The following NALF1 variants were observed in gnomAD, a reference collection of about 807,000 sequenced individuals.
NALF1 encodes family with sequence similarity 155 member A.
Under a neutral mutation model 48.4 loss-of-function variants are expected in NALF1, and 3 were observed. The ratio of observed to expected loss-of-function variants is 0.06; its 90% CI spans 0.03 to 0.16. NALF1 has a LOEUF of 0.16. NALF1 is among the 10% of genes least tolerant of loss of function. The probability of loss-of-function intolerance (pLI) is 1.00; values close to 1 mark genes in which losing one functional copy is unlikely to be tolerated. For synonymous variants in NALF1, 262 were observed against 245.7 expected (o/e 1.07, Z -0.62); for missense variants, 526 against 571.5 (o/e 0.92, Z 0.81).
At chr13:107,380,803 C>T (rs536614314) in intron 1 of NALF1, among the ~76,000 whole-genome samples, 4 of 151,238 alleles carry the variant, frequency 2.6e-5, no homozygotes, top group African/African-American at 9.7e-5. Context: ...ACGGTGAGAC[C>T]CCGTCTCTAC....
intron 1 of NALF1, among the ~76,000 whole-genome samples, chr13:107,826,314 T>G (rs1359302774): frequency 1.3e-5 from 2 of 152,096 alleles, no homozygotes; most frequent in African/African-American, 4.8e-5. Context: ...CGTGTGTGTG[T>G]GTGTGTGTGT....
chr13:107,255,354 C>G (rs1880792029), intron 1 of NALF1, among the ~76,000 whole-genome samples: 1 of 152,130 alleles, frequency 6.6e-6, no homozygotes, highest in African/African-American at 2.4e-5. Flanking sequence ...TTAGTATCTT[C>G]TAATACTGAA....
At chr13:107,792,614 A>G (rs1878283543) in intron 1 of NALF1, among the ~76,000 whole-genome samples, 2 of 152,124 alleles carry the variant, frequency 1.3e-5, no homozygotes, top group African/African-American at 2.4e-5. Context: ...CACCATGACA[A>G]TCTTTCTAGA....
At chr13:107,176,389 T>A (rs1878932024) in intron 2 of NALF1, among the ~76,000 whole-genome samples, 1 of 145,176 alleles carries the variant, frequency 6.9e-6, no homozygotes, top group South Asian at 2.3e-4. Flanking sequence ...ATGCCTGTAA[T>A]CCCAGCACTT....
chr13:107,526,508 C>T (rs1876448409), intron 1 of NALF1, among the ~76,000 whole-genome samples: 1 of 151,700 alleles, frequency 6.6e-6, no homozygotes, highest in African/African-American at 2.4e-5. Context: ...CATTATTTTC[C>T]AAGGCAATAC....
In NALF1 at chr13:107,217,847, G is replaced by C. The variant is rs189137517; in HGVS notation, c.916-7092C>G. Among the ~76,000 whole-genome samples the C allele has an allele frequency of 5.1e-3, 783 of 152,278 alleles. 2 individuals are homozygous for C. The highest frequency in any genetic ancestry group is 8.0e-3 in the Non-Finnish European group (544 of 68,022). On this transcript the variant is annotated intron_variant, in intron 1 of 2. Transcript: ENST00000375915. ...GATATACCCCGTGGAGCCTACCCTTGTGCCTTCAGTTGTGAACTCCTGCTT... is the reference window on the plus strand; with the variant it reads ...GATATACCCCGTGGAGCCTACCCTTCTGCCTTCAGTTGTGAACTCCTGCTT...
chr13:107,336,840 C>T (rs1882567129), intron 1 of NALF1, among the ~76,000 whole-genome samples: 1 of 151,994 alleles, frequency 6.6e-6, no homozygotes, highest in Non-Finnish European at 1.5e-5. Flanking sequence ...TACACAGTTA[C>T]AGCAGGATCA....
chr13:107,502,657 C>G (rs1875560511), intron 1 of NALF1, among the ~76,000 whole-genome samples: 1 of 152,150 alleles, frequency 6.6e-6, no homozygotes, highest in Non-Finnish European at 1.5e-5. Flanking sequence ...ACCATTTAAA[C>G]AACACATTCC....
chr13:107,397,322 C>T (rs1883729308), intron 1 of NALF1, among the ~76,000 whole-genome samples: 1 of 152,164 alleles, frequency 6.6e-6, no homozygotes, highest in South Asian at 2.1e-4. Flanking sequence ...CTTAGAGATG[C>T]TCCAGGACTC....
At chr13:107,222,554 T>G (rs1880016447) in intron 1 of NALF1, among the ~76,000 whole-genome samples, 1 of 152,244 alleles carries the variant, frequency 6.6e-6, no homozygotes, top group Non-Finnish European at 1.5e-5. Context: ...GTGCATGTCC[T>G]GTGTGTGTTC....
chr13:107,804,498 G>C (rs1399041696), intron 1 of NALF1, among the ~76,000 whole-genome samples: 2 of 151,800 alleles, frequency 1.3e-5, no homozygotes, highest in African/African-American at 4.8e-5. Context: ...TCCCTGCAGT[G>C]GAAAGTCCTG....
At chr13:107,783,225 T>A (rs1189525646) in intron 1 of NALF1, among the ~76,000 whole-genome samples, 9 of 101,994 alleles carry the variant, frequency 8.8e-5, no homozygotes, top group African/African-American at 1.5e-4. Context: ...AGCCGCCCCG[T>A]CCGGGAGGGA....
intron 1 of NALF1, among the ~76,000 whole-genome samples, chr13:107,275,256 T>G (rs1881257167): frequency 6.6e-6 from 1 of 152,212 alleles, no homozygotes; most frequent in African/African-American, 2.4e-5. Flanking sequence ...ATTTTTTTAT[T>G]TTTTTCACCA....
At chr13:107,630,367 A>AT (rs1186766662) in intron 1 of NALF1, among the ~76,000 whole-genome samples, 1 of 151,910 alleles carries the variant, frequency 6.6e-6, no homozygotes, top group Non-Finnish European at 1.5e-5. Context: ...TTTCTGAACT[A>AT]TTTTTTCTCC....
intron 1 of NALF1, among the ~76,000 whole-genome samples, chr13:107,338,434 G>C (rs1882602807): frequency 6.6e-6 from 1 of 151,150 alleles, no homozygotes; most frequent in Non-Finnish European, 1.5e-5. Flanking sequence ...CAAAAAAATA[G>C]TGTCAATATA....
intron 1 of NALF1, among the ~76,000 whole-genome samples, chr13:107,265,594 TG>T (rs1881022715): frequency 6.6e-6 from 1 of 151,942 alleles, no homozygotes; most frequent in Non-Finnish European, 1.5e-5. Flanking sequence ...TTAGTAGAGA[TG>T]GGGTTTCACT....
At chr13:107,637,754 G>A (rs1880017164) in intron 1 of NALF1, among the ~76,000 whole-genome samples, 1 of 152,070 alleles carries the variant, frequency 6.6e-6, no homozygotes, top group African/African-American at 2.4e-5. Flanking sequence ...CCAATAAAGA[G>A]TCGCATGTGG....
rs191831455 is a variant in NALF1, at chr13:107,693,025, T to C, written c.915+172657A>G. On this transcript the variant is annotated intron_variant, in intron 1 of 2. Transcript: ENST00000375915. ...TTGGGTACATACTCAGTAATGGGAT[T>C]GCTGGGTCAAATGGTATTTCTAGTT... Among the ~76,000 whole-genome samples, 356 of 152,272 alleles carry C rather than the reference T, an allele frequency of 2.3e-3. 5 individuals carry two copies. The highest frequency in any genetic ancestry group is 8.2e-3 in the African/African-American group (341 of 41,572).
chr13:107,416,976 G>A lies in NALF1; in HGVS notation c.916-206221C>T, dbSNP rs1216802816. Among the ~76,000 whole-genome samples the A allele has an allele frequency of 4.6e-5, 7 of 152,112 alleles. No homozygotes were observed. The South Asian group carries it at 8.3e-4, about 18-fold the overall frequency. ...TGACTTCCCCTCTCCAGTGAGGGTG[G>A]GTTCCCATCACACTGATGCTCACGG... On this transcript the variant is annotated intron_variant, in intron 1 of 2. Coordinates refer to ENST00000375915, the MANE Select transcript of NALF1 (RefSeq NM_001080396.3).
Sources: allele counts gnomAD v4.1 joint callset (sites outside exome capture counted in the v4.1 genomes callset), GRCh38; gene constraint gnomAD v4.1.1; transcripts MANE v1.5; gene names NCBI Gene and HGNC (gene_info 2026-07-23, HGNC 2026-07-21).